The following FAM13B variants were observed in gnomAD, a reference collection of about 807,000 sequenced individuals.
The protein encoded by FAM13B is family with sequence similarity 13 member B, also known as protein FAM13B.
In FAM13B, 60 loss-of-function variants were observed where a neutral mutation model predicts 117.3. The ratio of observed to expected loss-of-function variants is 0.51; its 90% CI spans 0.42 to 0.63. The LOEUF (loss-of-function observed/expected upper bound fraction) is 0.63. Ranked by LOEUF, FAM13B falls within the 30% of genes least tolerant of loss-of-function variation. The probability of loss-of-function intolerance (pLI) is 0.00; values close to 1 mark genes in which losing one functional copy is unlikely to be tolerated. For synonymous variants in FAM13B, 332 were observed against 356.1 expected (o/e 0.93, Z 0.76); for missense variants, 972 against 1,091.9 (o/e 0.89, Z 1.55).
At chr5:137,975,869 GA>G (rs1447671699) in intron 10 of FAM13B, among the ~76,000 whole-genome samples, 1 of 149,664 alleles carries the variant, frequency 6.7e-6, no homozygotes, top group Non-Finnish European at 1.5e-5. Context: ...TCTAGTGAGT[GA>G]TTCCTACTGA....
intron 2 of FAM13B, among the ~76,000 whole-genome samples, chr5:138,019,473 C>T (rs1046215988): frequency 1.3e-5 from 2 of 152,190 alleles, no homozygotes; most frequent in Non-Finnish European, 2.9e-5. Context: ...AAAACCTTTA[C>T]TGAACAAGCT....
At chr5:137,975,043 T>C (rs1438004117) in intron 10 of FAM13B, among the ~76,000 whole-genome samples, 2 of 152,160 alleles carry the variant, frequency 1.3e-5, no homozygotes, top group Non-Finnish European at 2.9e-5. Context: ...CAGAGTTAAG[T>C]AGTTGTGGCA....
At chr5:137,970,227 T>A (rs1352276147) in intron 10 of FAM13B, among the ~76,000 whole-genome samples, 1 of 151,728 alleles carries the variant, frequency 6.6e-6, no homozygotes, top group South Asian at 2.1e-4. Context: ...CGGGTTACCC[T>A]CAAAGGGAAG....
chr5:138,041,230 C>T (rs1024080904), intron 1 of FAM13B, among the ~76,000 whole-genome samples: 7 of 152,030 alleles, frequency 4.6e-5, no homozygotes, highest in Non-Finnish European at 8.8e-5. Context: ...ATCCAAAATG[C>T]GAGAAGTAAT....
intron 10 of FAM13B, among the ~76,000 whole-genome samples, chr5:137,983,176 TA>T (rs56880991): frequency 6.7e-5 from 5 of 75,096 alleles, no homozygotes; most frequent in African/African-American, 1.1e-4. Context: ...CCAGTGTAGG[TA>T]AAAAAAAAAA....
Position 138,021,042 on chromosome 5 carries a change from T to C in FAM13B, c.-47A>G, listed in dbSNP as rs1394477048. On this transcript the variant is annotated 5_prime_UTR_variant, in exon 2 of 24. It removes the in-frame stop codon of an upstream open reading frame in the 5' UTR. Transcript: ENST00000689681. ...TTTTGAAAACTTACCTTTCAGTACT[T>C]AAATACCTAAGTTTAAAAAATGGCT... 1.6e-6 allele frequency: 2 copies of C among 1,231,296 alleles called. No homozygotes were observed. Among genetic ancestry groups the C allele is most frequent in the Non-Finnish European group, 2.0e-6 (2 of 987,814 alleles). The allele number at this position is 1,231,296 out of a possible 1,614,324, so 76.3% of individuals were successfully genotyped here.
intron 1 of FAM13B, among the ~76,000 whole-genome samples, chr5:138,026,599 A>G (rs535231868): frequency 8.5e-5 from 12 of 140,720 alleles, no homozygotes; most frequent in African/African-American, 3.2e-4. Flanking sequence ...ACTGAACTCC[A>G]GCGTGGGCAC....
intron 1 of FAM13B, among the ~76,000 whole-genome samples, chr5:138,043,695 C>T (rs942437597): frequency 1.3e-5 from 2 of 152,052 alleles, no homozygotes; most frequent in African/African-American, 4.8e-5. Flanking sequence ...GCCTCGGCCT[C>T]CCAAAGTGCT....
At chr5:137,965,679 T>TA (rs967578156) in intron 10 of FAM13B, among the ~76,000 whole-genome samples, 1 of 152,222 alleles carries the variant, frequency 6.6e-6, no homozygotes, top group Non-Finnish European at 1.5e-5. Context: ...CTCTCTCTTC[T>TA]ACTGAATTAA....
At chr5:137,962,537 TA>T in intron 10 of FAM13B, 68 bp from the exon 11 acceptor site, 2 of 1,385,560 alleles carry the variant, frequency 1.4e-6, no homozygotes, top group Non-Finnish European at 1.0e-6. Context: ...GTTGCCAATC[TA>T]AATTAGGATA....
At chr5:137,975,819 GT>G (rs796616691) in intron 10 of FAM13B, among the ~76,000 whole-genome samples, 40 of 144,272 alleles carry the variant, frequency 2.8e-4, no homozygotes, top group South Asian at 8.9e-4. Flanking sequence ...ACTACCCTGG[GT>G]TTTTTTTTTT....
At chr5:138,030,955 C>G (rs933532528) in intron 1 of FAM13B, among the ~76,000 whole-genome samples, 1 of 151,708 alleles carries the variant, frequency 6.6e-6, no homozygotes, top group Non-Finnish European at 1.5e-5. Context: ...ATCGTTAGAA[C>G]CTGGGAGGCA....
intron 17 of FAM13B, among the ~76,000 whole-genome samples, chr5:137,951,376 G>A (rs982722237): frequency 2.0e-4 from 30 of 151,804 alleles, no homozygotes; most frequent in Non-Finnish European, 2.2e-4. Flanking sequence ...CACTTTACTG[G>A]GCTGGGCACG....
chr5:138,012,216 CTTTTT>C (rs36054299), intron 4 of FAM13B, among the ~76,000 whole-genome samples: 67 of 121,760 alleles, frequency 5.5e-4, no homozygotes, highest in Middle Eastern at 4.5e-3. Flanking sequence ...CCCCAATTCT[CTTTTT>C]TTTTTTTTTT....
At chr5:137,966,488 T>TATATATAGAGAGAGAGAGAGAGAG (rs1461425784) in intron 10 of FAM13B, among the ~76,000 whole-genome samples, 1 of 29,470 alleles carries the variant, frequency 3.4e-5, no homozygotes, top group Non-Finnish European at 6.1e-5. Context: ...TATATATATA[T>TATATATAGAGAGAGAGAGAGAGAG]AGAGAGAGAG....
chr5:137,939,011 A>T lies in FAM13B; in HGVS notation c.*1214T>A, dbSNP rs1760918075. On this transcript the variant is annotated 3_prime_UTR_variant, in exon 24 of 24. Coordinates refer to ENST00000689681, the MANE Select transcript of FAM13B (RefSeq NM_001385994.1). ...ATGAAGTCACCATTCTGTAACAATG[A>T]TTAGCAGAATGATACCGAGACAGTA... 6.6e-6 allele frequency: 1 copy of T among 152,220 alleles called. No individual in the cohort carries two copies. The highest frequency in any genetic ancestry group is 2.4e-5 in the African/African-American group (1 of 41,452). The allele number at this position is 152,220 out of a possible 1,614,324, so 9.4% of individuals were successfully genotyped here. A position where few individuals can be genotyped will look rare whatever the true frequency, so the allele number is the denominator to read the frequency against.
intron 14 of FAM13B, among the ~76,000 whole-genome samples, chr5:137,954,811 G>A (rs371540959): frequency 1.9e-4 from 29 of 151,886 alleles, no homozygotes; most frequent in Non-Finnish European, 3.1e-4. Flanking sequence ...TGGTAGAGAC[G>A]AGGTCTCACT....
intron 10 of FAM13B, among the ~76,000 whole-genome samples, chr5:137,969,744 C>T (rs1771425849): frequency 6.6e-6 from 1 of 151,842 alleles, no homozygotes; most frequent in South Asian, 2.1e-4. Context: ...ACTAGAATAA[C>T]CAATACAGAG....
chr5:137,949,181 G>C lies in FAM13B; in HGVS notation c.1934C>G (p.Ala645Gly), dbSNP rs1442518066. 1 of 1,612,572 alleles carries C rather than the reference G, an allele frequency of 6.2e-7. No homozygotes were observed. Among genetic ancestry groups the C allele is most frequent in the African/African-American group, 1.3e-5 (1 of 74,898 alleles). The change falls in exon 18 of 24, where the codon GCA (alanine) becomes GGA (glycine). Residue 645 changes from alanine (A) to glycine (G), a missense_variant. Ala to Gly is a moderately conservative substitution (Grantham distance 60). Transcript: ENST00000689681. The part of the protein sequence containing the change: ...LTKLRKQIKD[A>G]KHKNSDGEFV... ...TTCTCCATCAGAATTTTTGTGTTTT[G>C]CATCTACATGTCAGAAATAAGGACA...
Sources: gnomAD v4.1 joint callset for allele counts (sites outside exome capture counted in the v4.1 genomes callset) on GRCh38, gnomAD v4.1.1 for gene constraint, MANE v1.5 for transcripts, NCBI Gene and HGNC (gene_info 2026-07-23, HGNC 2026-07-21) for gene names.